The following RNFT2 variants were observed in gnomAD, a reference collection of about 807,000 sequenced individuals.
RNFT2 encodes the protein ring finger protein, transmembrane 2.
In RNFT2, 36 loss-of-function variants were observed where a neutral mutation model predicts 53.0. The ratio of observed to expected loss-of-function variants is 0.68; its 90% confidence interval spans 0.52 to 0.90. RNFT2 has a LOEUF of 0.90. Ranked by LOEUF, RNFT2 falls within the 40% of genes least tolerant of loss-of-function variation. The pLI is 0.00. For synonymous variants in RNFT2, 260 were observed against 253.2 expected (o/e 1.03, Z -0.26); for missense variants, 514 against 585.6 (o/e 0.88, Z 1.26).
intron 10 of RNFT2, among the ~76,000 whole-genome samples, chr12:116,837,582 CA>C (rs779488948): frequency 4.0e-5 from 6 of 151,872 alleles, no homozygotes; most frequent in Non-Finnish European, 7.4e-5. Flanking sequence ...TTTTCATGTT[CA>C]ATTGTATTTC....
intron 3 of RNFT2, among the ~76,000 whole-genome samples, chr12:116,745,000 C>T (rs755102246): frequency 6.6e-6 from 1 of 151,828 alleles, no homozygotes; most frequent in Non-Finnish European, 1.5e-5. Flanking sequence ...AGCTCAAGGC[C>T]CCTTGAGGAT....
rs1245278682 is a variant in RNFT2, at chr12:116,852,894, A to G, written c.*3446A>G. ...TAGTGAATACCCCAATGGTTTCTCC[A>G]ATTATGCCCATGCCACCAAAACAAT... On this transcript the variant is annotated 3_prime_UTR_variant, in exon 11 of 11. Transcript: ENST00000257575. The G allele has an allele frequency of 6.4e-6, 4 of 620,344 alleles. No individual in the cohort carries two copies. Among genetic ancestry groups the G allele is most frequent in the Non-Finnish European group, 1.1e-5 (4 of 355,740 alleles). The allele number at this position is 620,344 out of a possible 1,614,324, so 38.4% of individuals were successfully genotyped here.
At chr12:116,800,037 C>G (rs1874692124) in intron 7 of RNFT2, among the ~76,000 whole-genome samples, 1 of 152,156 alleles carries the variant, frequency 6.6e-6, no homozygotes, top group African/African-American at 2.4e-5. Context: ...AGCCTGGCAT[C>G]TCTTTTGCTT....
At chr12:116,750,961 G>A (rs1484923806) in intron 4 of RNFT2, among the ~76,000 whole-genome samples, 3 of 146,008 alleles carry the variant, frequency 2.1e-5, no homozygotes, top group African/African-American at 7.7e-5. Context: ...GCGCAGTGGT[G>A]CAGGTCTCAG....
At chr12:116,843,316 G>T (rs573579628) in intron 10 of RNFT2, among the ~76,000 whole-genome samples, 1 of 151,660 alleles carries the variant, frequency 6.6e-6, no homozygotes, top group African/African-American at 2.4e-5. Flanking sequence ...AACATAGCAA[G>T]ACCCCAACTC....
In RNFT2 at chr12:116,800,862, A is replaced by AT. The variant is rs61232241; in HGVS notation, c.882+21514_882+21515insT. On this transcript the variant is annotated intron_variant, in intron 7 of 10. Coordinates refer to ENST00000257575, the MANE Select transcript of RNFT2 (RefSeq NM_001382266.1). Reference sequence around the variant, plus strand: ...ATAAAATAAAATAAAATAAAATAAAAACCATTTAACAGATAAAACAGAGGC... The same window carrying AT: ...ATAAAATAAAATAAAATAAAATAAAATACCATTTAACAGATAAAACAGAGGC... Among the ~76,000 whole-genome samples, 880 of 143,426 alleles carry AT rather than the reference A, an allele frequency of 6.1e-3. 32 individuals carry two copies. Among genetic ancestry groups the AT allele is most frequent in the African/African-American group, 0.019 (728 of 37,564 alleles). The allele number at this position is 143,426 out of a possible 152,430, so 94.1% of individuals were successfully genotyped here. A position where few individuals can be genotyped will look rare whatever the true frequency, so the allele number is the denominator to read the frequency against.
Position 116,849,427 on chromosome 12 carries a change from C to A in RNFT2, c.1314C>A (p.Ser438=). 1 of 1,592,248 alleles carries A rather than the reference C, an allele frequency of 6.3e-7. No homozygotes were observed. The highest frequency in any genetic ancestry group is 8.5e-7 in the Non-Finnish European group (1 of 1,172,764). Reference sequence around the variant, plus strand: ...GCTGCTGGAAGGACGGCGCCACGTCCGCACACTTCCAGGTGTACTAGGACC... The same window carrying A: ...GCTGCTGGAAGGACGGCGCCACGTCAGCACACTTCCAGGTGTACTAGGACC... ...TLRCWKDGAT[S]AHFQVY is the part of the protein sequence containing the mutation. Residue 438 remains serine (S), a synonymous_variant, in exon 11 of 11, where the codon TCC becomes TCA. Coordinates refer to ENST00000257575, the MANE Select transcript of RNFT2 (RefSeq NM_001382266.1).
At chr12:116,777,771 C>T (rs1232236471) in intron 6 of RNFT2, among the ~76,000 whole-genome samples, 2 of 152,152 alleles carry the variant, frequency 1.3e-5, no homozygotes, top group African/African-American at 4.8e-5. Flanking sequence ...GAACAATTCC[C>T]ATTTTATTCA....
chr12:116,785,923 A>G (rs1873913702), intron 7 of RNFT2, among the ~76,000 whole-genome samples: 1 of 151,928 alleles, frequency 6.6e-6, no homozygotes, highest in Admixed American at 6.6e-5. Flanking sequence ...TGTGGTGTAC[A>G]TGACTGTAGT....
chr12:116,787,700 G>C (rs549131709), intron 7 of RNFT2, among the ~76,000 whole-genome samples: 1 of 144,838 alleles, frequency 6.9e-6, no homozygotes, highest in South Asian at 2.3e-4. Context: ...GCAATAGAGG[G>C]ACATGTTGTC....
In RNFT2 at chr12:116,754,043, G is replaced by A; in HGVS notation, c.610G>A (p.Glu204Lys). ...CGCCTATGCCAACTCCACGCTTCGA[G>A]AACAGGTCTCACTGAAGGTGAGTCA... ...TFAYANSTLR[E>K]QVSLKEKRSV... is the part of the protein sequence containing the mutation. Residue 204 changes from glutamate to lysine, a missense_variant, in exon 5 of 11, where the codon GAA becomes AAA. Coordinates refer to ENST00000257575, the MANE Select transcript of RNFT2 (RefSeq NM_001382266.1). 1 of 1,613,800 alleles carries A rather than the reference G, an allele frequency of 6.2e-7. No homozygotes were observed. The highest frequency in any genetic ancestry group is 1.3e-5 in the African/African-American group (1 of 75,044).
rs561652738 is a variant in RNFT2 at position 116,806,059 on chromosome 12, T to C, written c.882+26711T>C. Among the ~76,000 whole-genome samples the C allele has an allele frequency of 1.0e-3, 152 of 152,320 alleles. 1 individual carries two copies. Among genetic ancestry groups the C allele is most frequent in the African/African-American group, 3.5e-3 (145 of 41,572 alleles). ...TTAAACAAGAGGGCAGCTTTGAAGC[T>C]GGCGCTGATGTTTTATCATGTTAAC... is the stretch of plus-strand genomic sequence containing the variant. On this transcript the variant is annotated intron_variant, in intron 7 of 10. Coordinates refer to ENST00000257575, the MANE Select transcript of RNFT2 (RefSeq NM_001382266.1).
intron 10 of RNFT2, among the ~76,000 whole-genome samples, chr12:116,844,807 G>T (rs1271000279): frequency 6.6e-6 from 1 of 152,180 alleles, no homozygotes; most frequent in African/African-American, 2.4e-5. Context: ...GTGAACAGGG[G>T]TTGTGTTGCA....
At chr12:116,779,378 C>A in intron 7 of RNFT2, 30 bp downstream of exon 7, 1 of 1,613,006 alleles carries the variant, frequency 6.2e-7, no homozygotes, top group African/African-American at 1.3e-5. Context: ...ACAAGGTAGC[C>A]CCAGTCACAT....
At chr12:116,741,397 T>C (rs1010953997) in intron 3 of RNFT2, among the ~76,000 whole-genome samples, 1 of 152,208 alleles carries the variant, frequency 6.6e-6, no homozygotes, top group Non-Finnish European at 1.5e-5. Context: ...GAATGGGTGG[T>C]TTAAACAACA....
intron 6 of RNFT2, among the ~76,000 whole-genome samples, chr12:116,778,412 A>G (rs1873534200): frequency 6.6e-6 from 1 of 152,178 alleles, no homozygotes; most frequent in African/African-American, 2.4e-5. Context: ...GTGGGTTCTT[A>G]TAAAGCCAAG....
rs34964792 is a variant in RNFT2, at chr12:116,800,863, A to AAAATAAAATAAAATAAT, written c.882+21515_882+21516insAAATAAAATAAAATAAT. ...TAAAATAAAATAAAATAAAATAAAA[A>AAAATAAAATAAAATAAT]CCATTTAACAGATAAAACAGAGGCT... On this transcript the variant is annotated intron_variant, in intron 7 of 10. Coordinates refer to ENST00000257575, the MANE Select transcript of RNFT2 (RefSeq NM_001382266.1). Among the ~76,000 whole-genome samples the AAAATAAAATAAAATAAT allele has an allele frequency of 8.8e-3, 375 of 42,648 alleles. 7 individuals are homozygous for AAAATAAAATAAAATAAT. The highest frequency in any genetic ancestry group is 0.018 in the African/African-American group (352 of 19,928). The allele number at this position is 42,648 out of a possible 152,430, so 28.0% of individuals were successfully genotyped here. A position where few individuals can be genotyped will look rare whatever the true frequency, so the allele number is the denominator to read the frequency against.
At chr12:116,819,347 G>A (rs1376549991) in intron 7 of RNFT2, among the ~76,000 whole-genome samples, 1 of 152,180 alleles carries the variant, frequency 6.6e-6, no homozygotes, top group Non-Finnish European at 1.5e-5. Context: ...CCTGGTACCG[G>A]CGCGGGACGC....
intron 3 of RNFT2, among the ~76,000 whole-genome samples, chr12:116,744,270 T>A (rs1167053262): frequency 1.4e-5 from 2 of 141,346 alleles, no homozygotes; most frequent in Non-Finnish European, 3.1e-5. Context: ...AAGGAGTGAG[T>A]GTGAAGATGC....
Sources: gnomAD v4.1 joint callset for allele counts (sites outside exome capture counted in the v4.1 genomes callset) on GRCh38, gnomAD v4.1.1 for gene constraint, MANE v1.5 for transcripts, NCBI Gene and HGNC (gene_info 2026-07-23, HGNC 2026-07-21) for gene names.